The following IL15 variants were observed in gnomAD, a reference collection of about 807,000 sequenced individuals.
The protein encoded by IL15 is interleukin 15, also known as interleukin-15.
In IL15, 11 loss-of-function variants were observed where a neutral mutation model predicts 19.6. The observed-to-expected ratio is 0.56, with a 90% CI of 0.35 to 0.93. IL15 has a LOEUF of 0.93. Ranked by LOEUF, IL15 falls within the 40% of genes least tolerant of loss-of-function variation. The pLI, the probability that IL15 is intolerant of heterozygous loss-of-function variation, is 0.01. For synonymous variants in IL15, 58 were observed against 59.6 expected, an observed-to-expected ratio of 0.97 and a Z score of 0.12; for missense variants, 197 against 186.5, an observed-to-expected ratio of 1.06 and a Z score of -0.33.
intron 7 of IL15, 112 bp downstream of exon 7, chr4:141,730,096 T>C: frequency 1.2e-6 from 1 of 841,160 alleles, no homozygotes; most frequent in Non-Finnish European, 2.0e-6. Flanking sequence ...GAAGGAGTCC[T>C]GTTCCAGTGG....
chr4:141,646,690 A>C (rs1727238363), intron 1 of IL15, among the ~76,000 whole-genome samples: 2 of 152,094 alleles, frequency 1.3e-5, no homozygotes, highest in African/African-American at 2.4e-5. Context: ...ACATAGTCTA[A>C]TGTTAGTTCA....
chr4:141,648,963 C>T (rs539854469), intron 1 of IL15, among the ~76,000 whole-genome samples: 8 of 152,176 alleles, frequency 5.3e-5, no homozygotes, highest in Admixed American at 2.0e-4. Flanking sequence ...GATAAAAAGA[C>T]GCAGCACATT....
chr4:141,732,804 C>T lies in IL15; in HGVS notation c.445C>T (p.Gln149Ter), dbSNP rs762525842. The change falls in exon 8 of 8, where the codon CAG becomes TAG. Residue 149 changes from glutamine to a stop codon, truncating the protein, a stop_gained. Coordinates refer to ENST00000320650, the MANE Select transcript of IL15 (RefSeq NM_000585.5). LOFTEE classifies it high-confidence loss of function. ...GGAAAAAAATATTAAAGAATTTTTG[C>T]AGAGTTTTGTACATATTGTCCAAAT... Reference protein sequence around the residue: ...LEEKNIKEFLQSFVHIVQMFI... With the variant: ...LEEKNIKEFL The T allele has an allele frequency of 6.2e-7, 1 of 1,612,546 alleles. No individual in the cohort carries two copies. Among genetic ancestry groups the T allele is most frequent in the Non-Finnish European group, 8.5e-7 (1 of 1,179,522 alleles).
At chr4:141,713,185 T>C (rs1729765430) in intron 2 of IL15, among the ~76,000 whole-genome samples, 1 of 152,154 alleles carries the variant, frequency 6.6e-6, no homozygotes, top group Non-Finnish European at 1.5e-5. Flanking sequence ...TTGAAAGCAA[T>C]TGCTGAAAAT....
intron 2 of IL15, among the ~76,000 whole-genome samples, chr4:141,683,357 A>G (rs114883783): frequency 0.022 from 3,387 of 151,890 alleles, 131 homozygotes; most frequent in African/African-American, 0.076. Context: ...GATTGCCTGA[A>G]CTCAGGAGTT....
intron 2 of IL15, among the ~76,000 whole-genome samples, chr4:141,697,402 G>T (rs1273329311): frequency 6.6e-6 from 1 of 151,990 alleles, no homozygotes; most frequent in East Asian, 1.9e-4. Flanking sequence ...ATGCTGTTTT[G>T]GTAACTATAT....
At chr4:141,722,208 C>T (rs1037799183) in intron 5 of IL15, among the ~76,000 whole-genome samples, 200 bp downstream of exon 5, 3 of 152,030 alleles carry the variant, frequency 2.0e-5, no homozygotes, top group Non-Finnish European at 4.4e-5. Flanking sequence ...AATTTATAAG[C>T]GGCCCAGACG....
At chr4:141,689,471 A>G (rs1299955117) in intron 2 of IL15, among the ~76,000 whole-genome samples, 1 of 151,794 alleles carries the variant, frequency 6.6e-6, no homozygotes, top group Non-Finnish European at 1.5e-5. Flanking sequence ...AGCTAGATAC[A>G]GTGTTGATTG....
chr4:141,729,873 G>A lies in IL15; in HGVS notation c.267G>A (p.Lys89=), dbSNP rs1388994202. Residue 89 remains lysine, a synonymous_variant, in exon 7 of 8, where the codon AAG becomes AAA. Coordinates refer to ENST00000320650, the MANE Select transcript of IL15 (RefSeq NM_000585.5). ...VHPSCKVTAM[K]CFLLELQVIS... is the part of the protein sequence containing the mutation. ...CCAGTTGCAAAGTAACAGCAATGAA[G>A]TGCTTTCTCTTGGAGTTACAAGTTA... is the stretch of plus-strand genomic sequence containing the variant. 1 of 1,580,652 alleles carries A rather than the reference G, an allele frequency of 6.3e-7. No individual in the cohort carries two copies. Among genetic ancestry groups the A allele is most frequent in the East Asian group, 2.2e-5 (1 of 44,676 alleles).
intron 2 of IL15, among the ~76,000 whole-genome samples, chr4:141,657,388 T>A (rs1411478934): frequency 6.6e-6 from 1 of 151,972 alleles, no homozygotes; most frequent in Non-Finnish European, 1.5e-5. Flanking sequence ...CCTACAAAAT[T>A]TATTAAAATA....
intron 2 of IL15, among the ~76,000 whole-genome samples, chr4:141,702,235 C>T (rs1056081087): frequency 6.6e-6 from 1 of 152,170 alleles, no homozygotes; most frequent in Non-Finnish European, 1.5e-5. Flanking sequence ...TCTTTTGTTC[C>T]ATGGGGTGTT....
intron 2 of IL15, among the ~76,000 whole-genome samples, chr4:141,688,499 C>T (rs1452278035): frequency 6.6e-6 from 1 of 152,152 alleles, no homozygotes; most frequent in Non-Finnish European, 1.5e-5. Flanking sequence ...GCTATAATTG[C>T]TGTATGTTAG....
chr4:141,654,352 G>A (rs771646551), intron 1 of IL15, among the ~76,000 whole-genome samples: 76 of 152,128 alleles, frequency 5.0e-4, no homozygotes, highest in African/African-American at 1.8e-3. Context: ...TATCAGGAGG[G>A]GCTCAGCTAT....
At chr4:141,679,895 G>T (rs1728476473) in intron 2 of IL15, among the ~76,000 whole-genome samples, 1 of 152,218 alleles carries the variant, frequency 6.6e-6, no homozygotes, top group Non-Finnish European at 1.5e-5. Flanking sequence ...TGGAGGATGA[G>T]CTATAACTTC....
At position 141,728,645 on chromosome 4, in the gene IL15, A is replaced by G. The variant is rs141017513; in HGVS notation, c.240+661A>G. Among the ~76,000 whole-genome samples the G allele has an allele frequency of 6.1e-4, 93 of 152,230 alleles. No individual in the cohort carries two copies. The East Asian group carries it at 0.01, about 17-fold the overall frequency. Reference sequence around the variant, plus strand: ...CTTCACGTCAGGGAAAACAAACTCTATGTCCTCTCTCCATTATTCCTCAAT... The same window carrying G: ...CTTCACGTCAGGGAAAACAAACTCTGTGTCCTCTCTCCATTATTCCTCAAT... On this transcript the variant is annotated intron_variant, in intron 6 of 7. Coordinates refer to ENST00000320650, the MANE Select transcript of IL15 (RefSeq NM_000585.5).
intron 2 of IL15, among the ~76,000 whole-genome samples, chr4:141,689,438 G>A (rs1728832762): frequency 6.6e-6 from 1 of 152,064 alleles, no homozygotes; most frequent in South Asian, 2.1e-4. Flanking sequence ...CCACACAAAG[G>A]TTCTCCAAGG....
intron 2 of IL15, among the ~76,000 whole-genome samples, chr4:141,668,642 G>T (rs547064666): frequency 6.6e-6 from 1 of 152,236 alleles, no homozygotes; most frequent in East Asian, 1.9e-4. Flanking sequence ...AGCTCACATA[G>T]GTCTTCCTCT....
At chr4:141,647,325 T>A (rs1390617771) in intron 1 of IL15, among the ~76,000 whole-genome samples, 2 of 152,044 alleles carry the variant, frequency 1.3e-5, no homozygotes. Flanking sequence ...ATGAACTTGA[T>A]TTTGGAAATA....
Position 141,732,881 on chromosome 4 carries a change from A to G in IL15, c.*33A>G. On this transcript the variant is annotated 3_prime_UTR_variant, in exon 8 of 8. Transcript: ENST00000320650. ...TGATTCTTTTTAAAGTGTTTCTGTTATTAACAAACATCACTCTGCTGCTTA... is the reference window on the plus strand; with the variant it reads ...TGATTCTTTTTAAAGTGTTTCTGTTGTTAACAAACATCACTCTGCTGCTTA... 4 of 1,593,864 alleles carry G rather than the reference A, an allele frequency of 2.5e-6. No individual in the cohort carries two copies. In the Admixed American group the frequency reaches 7.2e-5, roughly 29 times the overall value.
Sources: allele counts gnomAD v4.1 joint callset (sites outside exome capture counted in the v4.1 genomes callset), GRCh38; gene constraint gnomAD v4.1.1; transcripts MANE v1.5; gene names NCBI Gene and HGNC (gene_info 2026-07-23, HGNC 2026-07-21).